The following NPY2R variants were observed in gnomAD, a reference collection of about 807,000 sequenced individuals.
The protein encoded by NPY2R is neuropeptide Y receptor type 2.
Under a neutral mutation model 22.3 loss-of-function variants are expected in NPY2R, and 17 were observed. That is an observed-to-expected ratio of 0.76 (90% confidence interval 0.52 to 1.14). The LOEUF is 1.14. Ranked by LOEUF, NPY2R falls within the 50% of genes most tolerant of loss-of-function variation. The probability of loss-of-function intolerance (pLI) is 0.00; values close to 1 mark genes in which losing one functional copy is unlikely to be tolerated. For synonymous variants in NPY2R, 209 were observed against 183.4 expected (o/e 1.14, Z -1.13); for missense variants, 424 against 467.9 (o/e 0.91, Z 0.87).
the NPY2R span, among the ~76,000 whole-genome samples, chr4:155,188,562 A>G: frequency 1.2e-4 from 18 of 152,036 alleles, no homozygotes; most frequent in Non-Finnish European, 2.5e-4. Flanking sequence ...GGTCTCTTCC[A>G]TGATTATGTT....
the NPY2R span, among the ~76,000 whole-genome samples, chr4:155,193,630 C>A: frequency 6.6e-6 from 1 of 151,832 alleles, no homozygotes; most frequent in Non-Finnish European, 1.5e-5. Flanking sequence ...ATGTGAGGTC[C>A]ACCTAGGCAT....
chr4:155,177,989 A>G, the NPY2R span, among the ~76,000 whole-genome samples: 1 of 152,112 alleles, frequency 6.6e-6, no homozygotes, highest in East Asian at 1.9e-4. Flanking sequence ...TGAAGTTATA[A>G]GCAGGTCTAT....
chr4:155,192,371 T>G, the NPY2R span, among the ~76,000 whole-genome samples: 1 of 151,852 alleles, frequency 6.6e-6, no homozygotes, highest in Non-Finnish European at 1.5e-5. Flanking sequence ...TTGTCTGATT[T>G]GGGGTGAGAA....
the NPY2R span, among the ~76,000 whole-genome samples, chr4:155,192,425 C>T: frequency 2.0e-5 from 3 of 151,946 alleles, no homozygotes; most frequent in African/African-American, 4.8e-5. Context: ...TAGTAGCTTG[C>T]TTATGACCAT....
At chr4:155,213,409 C>CA (rs1252024012) in intron 1 of NPY2R, among the ~76,000 whole-genome samples, 5 of 152,124 alleles carry the variant, frequency 3.3e-5, no homozygotes, top group Non-Finnish European at 7.4e-5. Flanking sequence ...AGGCACCAGA[C>CA]AAATAGTTTT....
At chr4:155,185,183 G>A in the NPY2R span, among the ~76,000 whole-genome samples, 1 of 151,660 alleles carries the variant, frequency 6.6e-6, no homozygotes, top group African/African-American at 2.4e-5. Context: ...GGGACCACAG[G>A]CGCCTGCCAC....
rs139612664 is a variant in NPY2R, at chr4:155,214,449, C to T, written c.510C>T (p.Gly170=). Reference sequence around the variant, plus strand: ...AGCGAATCAGCTTCCTGATTATTGGCTTGGCCTGGGGCATCAGTGCCCTGC... The same window carrying T: ...AGCGAATCAGCTTCCTGATTATTGGTTTGGCCTGGGGCATCAGTGCCCTGC... ...ISKRISFLII[G]LAWGISALLA... is the part of the protein sequence containing the mutation. Residue 170 remains glycine, a synonymous_variant, in exon 2 of 2, where the codon GGC becomes GGT. Transcript: ENST00000329476. 1.3e-5 allele frequency: 21 copies of T among 1,614,110 alleles called. No individual in the cohort carries two copies. In the Admixed American group the frequency reaches 2.8e-4, roughly 22 times the overall value.
chr4:155,190,818 A>C, the NPY2R span, among the ~76,000 whole-genome samples: 1 of 151,910 alleles, frequency 6.6e-6, no homozygotes, highest in African/African-American at 2.4e-5. Flanking sequence ...ATATCCAAGC[A>C]TCTTTCTTAC....
the NPY2R span, among the ~76,000 whole-genome samples, chr4:155,187,238 T>C: frequency 6.6e-6 from 1 of 152,168 alleles, no homozygotes; most frequent in South Asian, 2.1e-4. Context: ...TCCTCCTTTC[T>C]AGTGGCCACA....
At chr4:155,187,210 T>A in the NPY2R span, among the ~76,000 whole-genome samples, 1 of 152,204 alleles carries the variant, frequency 6.6e-6, no homozygotes, top group Non-Finnish European at 1.5e-5. Flanking sequence ...ACGCACTACA[T>A]CAGACCTCAG....
chr4:155,195,198 A>G, the NPY2R span, among the ~76,000 whole-genome samples: 1 of 152,020 alleles, frequency 6.6e-6, no homozygotes, highest in Non-Finnish European at 1.5e-5. Context: ...TGAAGAACAT[A>G]ACATGTCAAC....
At chr4:155,212,792 G>A (rs571086083) in intron 1 of NPY2R, among the ~76,000 whole-genome samples, 10 of 152,294 alleles carry the variant, frequency 6.6e-5, no homozygotes, top group African/African-American at 2.4e-4. Context: ...AAATGTAGAG[G>A]CTAACAGAGA....
the NPY2R span, chr4:155,174,357 A>G: frequency 2.0e-5 from 3 of 151,248 alleles, no homozygotes; most frequent in African/African-American, 7.3e-5. Context: ...GCCAAATGCT[A>G]TGATTTCCAT....
At chr4:155,190,426 A>G in the NPY2R span, among the ~76,000 whole-genome samples, 3 of 152,012 alleles carry the variant, frequency 2.0e-5, no homozygotes, top group African/African-American at 7.2e-5. Context: ...CACTCAAAAG[A>G]AAACAGGTAA....
chr4:155,198,423 AT>A, the NPY2R span, among the ~76,000 whole-genome samples: 4 of 148,258 alleles, frequency 2.7e-5, no homozygotes, highest in Non-Finnish European at 6.0e-5. Context: ...TGTATATAAA[AT>A]ATATATATCT....
chr4:155,191,250 T>C, the NPY2R span, among the ~76,000 whole-genome samples: 1 of 151,876 alleles, frequency 6.6e-6, no homozygotes, highest in Non-Finnish European at 1.5e-5. Context: ...GGATCTTTGT[T>C]TGGTTAATGC....
the NPY2R span, among the ~76,000 whole-genome samples, chr4:155,197,700 A>G: frequency 4.9e-3 from 746 of 152,156 alleles, 23 homozygotes; most frequent in Non-Finnish European, 1.2e-3. Flanking sequence ...TAACATGAAT[A>G]GCTAAATTAA....
At chr4:155,197,621 GA>G in the NPY2R span, among the ~76,000 whole-genome samples, 9 of 151,376 alleles carry the variant, frequency 5.9e-5, no homozygotes, top group East Asian at 3.9e-4. Context: ...CTCTATAAGT[GA>G]AAAAAAATAG....
the NPY2R span, among the ~76,000 whole-genome samples, chr4:155,188,282 T>G: frequency 6.6e-6 from 1 of 152,146 alleles, no homozygotes; most frequent in Non-Finnish European, 1.5e-5. Context: ...AAGAATCACC[T>G]GTTCTATGTA....
Sources: allele counts gnomAD v4.1 joint callset (sites outside exome capture counted in the v4.1 genomes callset), GRCh38; gene constraint gnomAD v4.1.1; transcripts MANE v1.5; gene names NCBI Gene and HGNC (gene_info 2026-07-23, HGNC 2026-07-21).